The following ABTB3 variants were observed in gnomAD, a reference collection of about 807,000 sequenced individuals.
ABTB3 encodes the protein ankyrin repeat- and BTB/POZ domain-containing protein 3.
chr12:107,464,206 A>AGTGTGT, the ABTB3 span, among the ~76,000 whole-genome samples: 3 of 133,534 alleles, frequency 2.2e-5, no homozygotes, highest in East Asian at 2.3e-4. Flanking sequence ...ACATGTGAAG[A>AGTGTGT]GTGTGTGTGT....
the ABTB3 span, among the ~76,000 whole-genome samples, chr12:107,445,607 T>C: frequency 9.9e-5 from 15 of 152,104 alleles, no homozygotes; most frequent in Admixed American, 5.2e-4. Flanking sequence ...ACACTGAAAG[T>C]TTCAGCAAAG....
the ABTB3 span, among the ~76,000 whole-genome samples, chr12:107,634,584 G>A: frequency 2.6e-5 from 4 of 152,056 alleles, no homozygotes; most frequent in African/African-American, 7.2e-5. Context: ...TTTTTCCTCC[G>A]ATACACCTGA....
chr12:107,362,830 G>C, the ABTB3 span, among the ~76,000 whole-genome samples: 10 of 151,764 alleles, frequency 6.6e-5, no homozygotes, highest in Non-Finnish European at 1.5e-4. Context: ...TGAGCACTAC[G>C]CTAGACATTT....
chr12:107,336,926 G>A, the ABTB3 span, among the ~76,000 whole-genome samples: 241 of 152,346 alleles, frequency 1.6e-3, 7 homozygotes, highest in East Asian at 0.032. Context: ...TCCAGAGCTT[G>A]TTGCTAACCA....
the ABTB3 span, chr12:107,651,704 G>T: frequency 1.2e-6 from 2 of 1,614,126 alleles, no homozygotes; most frequent in Non-Finnish European, 1.7e-6. Context: ...TTTCCAGCTG[G>T]AGGCTTTGCA....
chr12:107,560,088 A>G, the ABTB3 span, among the ~76,000 whole-genome samples: 1 of 152,340 alleles, frequency 6.6e-6, no homozygotes, highest in East Asian at 1.9e-4. Context: ...ATAGCATACC[A>G]TAAGCATATT....
the ABTB3 span, chr12:107,616,972 C>CA: frequency 2.9e-6 from 3 of 1,042,674 alleles, no homozygotes; most frequent in Admixed American, 5.4e-5. Context: ...TGCACGCTGT[C>CA]ACCAACCTAG....
chr12:107,565,793 T>A, the ABTB3 span, among the ~76,000 whole-genome samples: 412 of 152,262 alleles, frequency 2.7e-3, 8 homozygotes, highest in East Asian at 0.042. Flanking sequence ...ATTAGACAAG[T>A]AGGCAGGCAG....
At chr12:107,371,386 T>G in the ABTB3 span, among the ~76,000 whole-genome samples, 1 of 152,156 alleles carries the variant, frequency 6.6e-6, no homozygotes, top group Non-Finnish European at 1.5e-5. Flanking sequence ...GAGACTAAGC[T>G]GCTGTCCTGC....
the ABTB3 span, chr12:107,612,791 C>A: frequency 1.2e-6 from 2 of 1,613,396 alleles, no homozygotes; most frequent in South Asian, 2.2e-5. Context: ...GCATGACTCC[C>A]CTGATGTATG....
chr12:107,593,142 G>A, the ABTB3 span, among the ~76,000 whole-genome samples: 1 of 152,150 alleles, frequency 6.6e-6, no homozygotes, highest in African/African-American at 2.4e-5. Flanking sequence ...TTTTACCATA[G>A]AGCAGGGGTG....
the ABTB3 span, among the ~76,000 whole-genome samples, chr12:107,347,592 C>A: frequency 6.6e-6 from 1 of 152,096 alleles, no homozygotes; most frequent in Non-Finnish European, 1.5e-5. Context: ...CTTCTTACAG[C>A]ATGGAGGTAT....
chr12:107,581,881 T>C, the ABTB3 span, among the ~76,000 whole-genome samples: 1 of 152,086 alleles, frequency 6.6e-6, no homozygotes, highest in African/African-American at 2.4e-5. Flanking sequence ...TGGCTTTAAA[T>C]GCAAAAAAAC....
At chr12:107,364,703 G>A in the ABTB3 span, among the ~76,000 whole-genome samples, 4 of 152,094 alleles carry the variant, frequency 2.6e-5, no homozygotes, top group African/African-American at 9.7e-5. Context: ...TGATGGAAAG[G>A]GCCCAGAAGC....
chr12:107,423,034 A>T, the ABTB3 span, among the ~76,000 whole-genome samples: 1 of 152,130 alleles, frequency 6.6e-6, no homozygotes, highest in South Asian at 2.1e-4. Context: ...TGACACAATC[A>T]CTCTGTCCAA....
chr12:107,330,810 T>C, the ABTB3 span, among the ~76,000 whole-genome samples: 1 of 152,232 alleles, frequency 6.6e-6, no homozygotes, highest in African/African-American at 2.4e-5. Flanking sequence ...GCTATACATC[T>C]CACAGTAAAA....
At chr12:107,400,051 T>A in the ABTB3 span, among the ~76,000 whole-genome samples, 1 of 152,240 alleles carries the variant, frequency 6.6e-6, no homozygotes, top group Non-Finnish European at 1.5e-5. Context: ...TATTCTATGA[T>A]GTATATGTGC....
chr12:107,550,654 C>G, the ABTB3 span, among the ~76,000 whole-genome samples: 7 of 148,932 alleles, frequency 4.7e-5, no homozygotes, highest in African/African-American at 1.7e-4. Context: ...GATTTCGGCT[C>G]ACTGCAACCT....
the ABTB3 span, chr12:107,319,809 C>A: frequency 3.0e-6 from 4 of 1,347,062 alleles, no homozygotes; most frequent in Non-Finnish European, 2.9e-6. Context: ...GAGCGGGAGG[C>A]GCCCGGGGGA....
Sources: gnomAD v4.1 joint callset for allele counts (sites outside exome capture counted in the v4.1 genomes callset) on GRCh38, gnomAD v4.1.1 for gene constraint, MANE v1.5 for transcripts, NCBI Gene and HGNC (gene_info 2026-07-23, HGNC 2026-07-21) for gene names.